Variants in FARS2 observed in about 807,000 individuals in gnomAD.
FARS2 encodes the protein phenylalanyl-tRNA synthetase 2, mitochondrial.
FARS2 carries 40 observed loss-of-function variants against 46.4 expected under a neutral mutation model. That is an observed-to-expected ratio of 0.86 (90% CI 0.67 to 1.12). The LOEUF (loss-of-function observed/expected upper bound fraction) is 1.12. FARS2 is among the 50% of genes most tolerant of loss of function. The pLI is 0.00. For missense variants in FARS2, 513 were observed against 567.9 expected (o/e 0.90, Z 0.98); for synonymous variants, 234 against 214.9 (o/e 1.09, Z -0.78).
chr6:5,328,332 A>C (rs1024381215), intron 1 of FARS2, among the ~76,000 whole-genome samples: 29 of 152,192 alleles, frequency 1.9e-4, no homozygotes, highest in Non-Finnish European at 5.9e-5. Context: ...TATATTCTTT[A>C]TAATTTTACG....
At chr6:5,533,005 C>A (rs1317016532) in intron 4 of FARS2, among the ~76,000 whole-genome samples, 1 of 151,846 alleles carries the variant, frequency 6.6e-6, no homozygotes, top group African/African-American at 2.4e-5. Context: ...AACAAAACAA[C>A]CTATGAGGAG....
rs1766826678 is a variant in FARS2, at chr6:5,487,238, G to T, written c.904+56066G>T. 5.9e-5 allele frequency among the ~76,000 whole-genome samples: 9 copies of T among 152,292 alleles called. No homozygotes were observed. The South Asian group carries it at 1.9e-3, about 32-fold the overall frequency. On this transcript the variant is annotated intron_variant, in intron 4 of 6. Coordinates refer to ENST00000274680, the MANE Select transcript of FARS2 (RefSeq NM_006567.5). ...CACAGCCTCTGGTGCACCTACCTGG[G>T]TGCCAACGTTGTAGGAAGAAGCTGT...
intron 2 of FARS2, among the ~76,000 whole-genome samples, chr6:5,382,154 A>G (rs1759835954): frequency 6.6e-6 from 1 of 152,244 alleles, no homozygotes; most frequent in Non-Finnish European, 1.5e-5. Flanking sequence ...TAAATCAAGC[A>G]GAGAAAGATT....
chr6:5,713,445 C>T (rs1407681911), intron 6 of FARS2, among the ~76,000 whole-genome samples: 3 of 152,190 alleles, frequency 2.0e-5, no homozygotes, highest in African/African-American at 7.2e-5. Context: ...ATTTCTGGCT[C>T]ATTCTTTTGT....
At chr6:5,725,322 G>T (rs1760181450) in intron 6 of FARS2, among the ~76,000 whole-genome samples, 3 of 152,194 alleles carry the variant, frequency 2.0e-5, no homozygotes, top group Non-Finnish European at 4.4e-5. Flanking sequence ...AGGCAGGTTG[G>T]GCAAGGCATT....
intron 1 of FARS2, among the ~76,000 whole-genome samples, chr6:5,267,023 A>G (rs1412538223): frequency 1.3e-5 from 2 of 152,144 alleles, no homozygotes; most frequent in Non-Finnish European, 2.9e-5. Flanking sequence ...AAGCTATGAT[A>G]TGTTGCAACT....
chr6:5,430,262 T>C (rs999126883), intron 3 of FARS2, among the ~76,000 whole-genome samples: 1 of 152,158 alleles, frequency 6.6e-6, no homozygotes, highest in Non-Finnish European at 1.5e-5. Context: ...GGCATCAAGC[T>C]CCTAGGTGAC....
intron 4 of FARS2, among the ~76,000 whole-genome samples, chr6:5,539,292 T>C (rs886323730): frequency 1.3e-5 from 2 of 150,308 alleles, no homozygotes; most frequent in African/African-American, 2.5e-5. Context: ...CTGCAAGCTC[T>C]GCCTCCCTGG....
intron 2 of FARS2, among the ~76,000 whole-genome samples, chr6:5,377,058 C>T (rs1248616591): frequency 2.6e-5 from 4 of 152,214 alleles, no homozygotes; most frequent in Non-Finnish European, 5.9e-5. Flanking sequence ...TGTTCTATAG[C>T]TTCCAAACGA....
intron 6 of FARS2, among the ~76,000 whole-genome samples, chr6:5,652,935 G>T (rs1417607788): frequency 6.6e-6 from 1 of 152,194 alleles, no homozygotes; most frequent in Non-Finnish European, 1.5e-5. Flanking sequence ...TCCAACTAGG[G>T]CAAGAGGCCA....
At chr6:5,518,694 G>C (rs371380142) in intron 4 of FARS2, among the ~76,000 whole-genome samples, 1 of 152,116 alleles carries the variant, frequency 6.6e-6, no homozygotes, top group Non-Finnish European at 1.5e-5. Context: ...TGAAAGTATA[G>C]TGTTTCTATT....
intron 6 of FARS2, among the ~76,000 whole-genome samples, chr6:5,668,346 T>A: frequency 6.6e-6 from 1 of 152,212 alleles, no homozygotes; most frequent in South Asian, 2.1e-4. Context: ...GCAGCTCATG[T>A]GAATGATACT....
intron 6 of FARS2, among the ~76,000 whole-genome samples, chr6:5,768,882 A>G (rs1285742980): frequency 4.6e-5 from 7 of 152,104 alleles, no homozygotes; most frequent in Non-Finnish European, 8.8e-5. Context: ...CAAATCCCTT[A>G]TCAGGTATAT....
intron 5 of FARS2, among the ~76,000 whole-genome samples, chr6:5,590,198 T>A (rs541587334): frequency 1.3e-5 from 2 of 152,302 alleles, no homozygotes; most frequent in South Asian, 2.1e-4. Context: ...AATGTGATAG[T>A]GAAGAATGAT....
chr6:5,474,145 C>T (rs1292044019), intron 4 of FARS2, among the ~76,000 whole-genome samples: 1 of 152,250 alleles, frequency 6.6e-6, no homozygotes, highest in Non-Finnish European at 1.5e-5. Context: ...GCCATCATCA[C>T]ATTTCCGTTA....
chr6:5,690,162 CTG>C (rs1412346759), intron 6 of FARS2, among the ~76,000 whole-genome samples: 43 of 152,114 alleles, frequency 2.8e-4, no homozygotes, highest in Non-Finnish European at 4.6e-4. Flanking sequence ...ATTTGCCAGT[CTG>C]TGTCTTTTAA....
intron 6 of FARS2, among the ~76,000 whole-genome samples, chr6:5,672,306 A>G (rs1373901815): frequency 6.6e-6 from 1 of 152,148 alleles, no homozygotes; most frequent in Non-Finnish European, 1.5e-5. Flanking sequence ...CAGCCTCACT[A>G]TCCCCTGGCC....
chr6:5,290,442 A>G (rs1163486194), intron 1 of FARS2, among the ~76,000 whole-genome samples: 2 of 152,236 alleles, frequency 1.3e-5, no homozygotes, highest in Non-Finnish European at 2.9e-5. Flanking sequence ...TCTGTTTTAA[A>G]TTGACAACTT....
intron 2 of FARS2, among the ~76,000 whole-genome samples, chr6:5,384,980 C>A (rs1345310933): frequency 6.6e-6 from 1 of 152,172 alleles, no homozygotes; most frequent in Admixed American, 6.5e-5. Context: ...TGCATTTCTT[C>A]CCCTGTGCTC....
Sources: allele counts gnomAD v4.1 joint callset (sites outside exome capture counted in the v4.1 genomes callset), GRCh38; gene constraint gnomAD v4.1.1; transcripts MANE v1.5; gene names NCBI Gene and HGNC (gene_info 2026-07-23, HGNC 2026-07-21).